Variants in PDE4D observed in about 807,000 individuals in gnomAD.
PDE4D encodes 3',5'-cyclic-AMP phosphodiesterase 4D.
In PDE4D, 24 loss-of-function variants were observed where a neutral mutation model predicts 87.4. That is an observed-to-expected ratio of 0.27 (90% CI 0.20 to 0.39). The LOEUF is 0.39. Ranked by LOEUF, PDE4D falls within the 10% of genes least tolerant of loss-of-function variation. The pLI is 1.00. For synonymous variants in PDE4D, 384 were observed against 383.2 expected, an observed-to-expected ratio of 1.00 and a Z score of -0.02; for missense variants, 714 against 1,041.0, an observed-to-expected ratio of 0.69 and a Z score of 4.32.
rs1561178834 is a variant in PDE4D, at chr5:59,547,545, AG to A, written c.456-331578del. On this transcript the variant is annotated intron_variant, in intron 1 of 14. Transcript: ENST00000340635. Reference sequence around the variant, plus strand: ...ACAGCCAAATTTTGACTTTTTTGACAGTTTTATCTCAGATAAGAATTCCTTT... The same window carrying A: ...ACAGCCAAATTTTGACTTTTTTGACATTTTATCTCAGATAAGAATTCCTTT... 4.6e-5 allele frequency among the ~76,000 whole-genome samples: 7 copies of A among 152,302 alleles called. No individual in the cohort carries two copies. In the South Asian group the frequency reaches 1.4e-3, roughly 32 times the overall value.
chr5:59,349,477 G>C (rs1780157843), intron 1 of PDE4D, among the ~76,000 whole-genome samples: 1 of 152,094 alleles, frequency 6.6e-6, no homozygotes, highest in African/African-American at 2.4e-5. Flanking sequence ...CAGCTGCTCA[G>C]TCAAGGTACT....
Position 58,973,396 on chromosome 5 carries a change from A to T in PDE4D, c.*1268T>A, listed in dbSNP as rs886060709. ...CTAAATTATAAAGCAGCACAAGGGGAAAAACCTTTTTCTTACTATAACTGG... is the reference window on the plus strand; with the variant it reads ...CTAAATTATAAAGCAGCACAAGGGGTAAAACCTTTTTCTTACTATAACTGG... On this transcript the variant is annotated 3_prime_UTR_variant, in exon 15 of 15. Coordinates refer to ENST00000340635, the MANE Select transcript of PDE4D (RefSeq NM_001104631.2). The T allele has an allele frequency of 6.6e-6, 1 of 151,972 alleles. No individual in the cohort carries two copies. The highest frequency in any genetic ancestry group is 2.4e-5 in the African/African-American group (1 of 41,440). The allele number at this position is 151,972 out of a possible 1,614,324, so 9.4% of individuals were successfully genotyped here.
intron 2 of PDE4D, among the ~76,000 whole-genome samples, chr5:59,202,480 A>G (rs542874295): frequency 6.6e-6 from 1 of 152,288 alleles, no homozygotes; most frequent in South Asian, 2.1e-4. Context: ...CTCTCACTTC[A>G]GCCTCCCAAG....
chr5:59,840,945 G>T (rs147480801), intron 1 of PDE4D, among the ~76,000 whole-genome samples: 2 of 152,168 alleles, frequency 1.3e-5, no homozygotes, highest in African/African-American at 4.8e-5. Context: ...TTCACTCAAT[G>T]AAAGAATCAA....
intron 3 of PDE4D, among the ~76,000 whole-genome samples, chr5:59,900,287 C>CACACACACACACACAT (rs142366012): frequency 6.9e-6 from 1 of 145,242 alleles, no homozygotes; most frequent in South Asian, 2.2e-4. Flanking sequence ...CACACACACA[C>CACACACACACACACAT]ATATATATAT....
intron 1 of PDE4D, among the ~76,000 whole-genome samples, chr5:59,578,640 A>C (rs943705163): frequency 1.3e-5 from 2 of 152,066 alleles, no homozygotes; most frequent in African/African-American, 4.8e-5. Context: ...TCATCTTACT[A>C]AGCTCCTCCA....
chr5:60,520,594 C>G (rs937877849), intron 1 of PDE4D, among the ~76,000 whole-genome samples: 4 of 152,200 alleles, frequency 2.6e-5, no homozygotes, highest in Non-Finnish European at 5.9e-5. Flanking sequence ...GGTAGTGGCC[C>G]ATGGCTTGTG....
At chr5:59,702,161 T>G (rs1223316273) in intron 1 of PDE4D, among the ~76,000 whole-genome samples, 1 of 152,150 alleles carries the variant, frequency 6.6e-6, no homozygotes, top group Non-Finnish European at 1.5e-5. Flanking sequence ...TCTCACTCTG[T>G]CGCCCAGGCT....
intron 1 of PDE4D, among the ~76,000 whole-genome samples, chr5:59,588,846 G>C (rs1006655419): frequency 6.6e-6 from 1 of 152,070 alleles, no homozygotes; most frequent in Non-Finnish European, 1.5e-5. Flanking sequence ...TTTTGCTAAA[G>C]GGACTAAATC....
intron 1 of PDE4D, among the ~76,000 whole-genome samples, chr5:59,271,328 G>A (rs1306772438): frequency 2.0e-5 from 3 of 152,054 alleles, no homozygotes; most frequent in South Asian, 2.1e-4. Context: ...AGCAAGCTAC[G>A]CCGCCTGGCC....
At chr5:60,019,384 C>T (rs1582205973) in intron 2 of PDE4D, among the ~76,000 whole-genome samples, 1 of 152,186 alleles carries the variant, frequency 6.6e-6, no homozygotes, top group African/African-American at 2.4e-5. Flanking sequence ...TAGAGTCAAC[C>T]TGTCCTTTGA....
intron 5 of PDE4D, among the ~76,000 whole-genome samples, chr5:59,161,985 C>A (rs931628648): frequency 6.6e-6 from 1 of 152,078 alleles, no homozygotes; most frequent in Non-Finnish European, 1.5e-5. Context: ...ATGAATCTAC[C>A]CTTCTTTGAA....
At chr5:59,377,203 G>A (rs1263820714) in intron 1 of PDE4D, among the ~76,000 whole-genome samples, 1 of 152,016 alleles carries the variant, frequency 6.6e-6, no homozygotes, top group East Asian at 1.9e-4. Context: ...AGATCACGAG[G>A]TCAGGAGATC....
intron 1 of PDE4D, among the ~76,000 whole-genome samples, chr5:59,622,106 C>T (rs1383681654): frequency 6.6e-6 from 1 of 151,982 alleles, no homozygotes; most frequent in African/African-American, 2.4e-5. Context: ...CTCACTGGAC[C>T]CCAAGTTCAA....
chr5:60,056,041 A>T (rs1770743227), intron 2 of PDE4D, among the ~76,000 whole-genome samples: 1 of 152,016 alleles, frequency 6.6e-6, no homozygotes, highest in South Asian at 2.1e-4. Flanking sequence ...TCTCAGTGAA[A>T]TTGTAGGAAA....
intron 2 of PDE4D, among the ~76,000 whole-genome samples, chr5:60,051,499 G>A (rs1770147034): frequency 6.6e-6 from 1 of 152,170 alleles, no homozygotes; most frequent in Admixed American, 6.5e-5. Flanking sequence ...TGAGAACAAA[G>A]ATACAATGTA....
intron 2 of PDE4D, among the ~76,000 whole-genome samples, chr5:59,200,149 A>G (rs1561689366): frequency 7.6e-6 from 1 of 131,328 alleles, no homozygotes; most frequent in African/African-American, 2.5e-5. Context: ...ATGTACACGT[A>G]TATGTATATA....
At chr5:59,817,187 G>C (rs1430126950) in intron 1 of PDE4D, among the ~76,000 whole-genome samples, 1 of 152,192 alleles carries the variant, frequency 6.6e-6, no homozygotes, top group African/African-American at 2.4e-5. Flanking sequence ...AGTAGCTAAA[G>C]GTGGCTCAGG....
intron 1 of PDE4D, among the ~76,000 whole-genome samples, chr5:59,416,989 T>C (rs1253202123): frequency 6.6e-6 from 1 of 152,192 alleles, no homozygotes; most frequent in African/African-American, 2.4e-5. Flanking sequence ...ACAATACATA[T>C]ATGAAGTATT....
Sources: allele counts gnomAD v4.1 joint callset (sites outside exome capture counted in the v4.1 genomes callset), GRCh38; gene constraint gnomAD v4.1.1; transcripts MANE v1.5; gene names NCBI Gene and HGNC (gene_info 2026-07-23, HGNC 2026-07-21).